CEP85L: variants seen among roughly 807,000 people sequenced by gnomAD.
CEP85L encodes centrosomal protein of 85 kDa-like.
Under a neutral mutation model 100.3 loss-of-function variants are expected in CEP85L, and 60 were observed. The observed-to-expected ratio is 0.60, with a 90% CI of 0.49 to 0.74. The LOEUF (loss-of-function observed/expected upper bound fraction) is 0.74. Among genes scored for constraint, CEP85L ranks in the 30% least tolerant of loss-of-function variants. CEP85L has a pLI of 0.00. For synonymous variants in CEP85L, 319 were observed against 322.7 expected (o/e 0.99, Z 0.12); for missense variants, 973 against 936.2 (o/e 1.04, Z -0.51).
At chr6:118,478,675 G>A (rs1332273212) in intron 10 of CEP85L, among the ~76,000 whole-genome samples, 1 of 152,132 alleles carries the variant, frequency 6.6e-6, no homozygotes, top group African/African-American at 2.4e-5. Flanking sequence ...TTGAATAAAA[G>A]ATTTGTGTTT....
intron 5 of CEP85L, chr6:118,501,480 T>G (rs1435206831): frequency 2.3e-5 from 10 of 429,812 alleles, no homozygotes; most frequent in Non-Finnish European, 4.5e-5. Context: ...AGTGCTCTTT[T>G]CGTTTTCTGT....
At chr6:118,591,841 C>A (rs1302619297) in intron 2 of CEP85L, among the ~76,000 whole-genome samples, 1 of 152,090 alleles carries the variant, frequency 6.6e-6, no homozygotes, top group Non-Finnish European at 1.5e-5. Flanking sequence ...GGTAACAGAG[C>A]TATAATGACA....
intron 3 of CEP85L, chr6:118,560,417 G>A (rs41291942): frequency 2.5e-4 from 41 of 166,986 alleles, no homozygotes; most frequent in Non-Finnish European, 4.6e-4. Context: ...AATGGAAGTG[G>A]GTCAACATAA....
At position 118,620,416 on chromosome 6, in the gene CEP85L, C is replaced by CA. The variant is rs551436757; in HGVS notation, c.232+12036dup. Among the ~76,000 whole-genome samples the CA allele has an allele frequency of 8.7e-4, 133 of 152,160 alleles. 4 individuals are homozygous for CA. The South Asian group carries it at 0.025, about 29-fold the overall frequency. On this transcript the variant is annotated intron_variant, in intron 2 of 12. Transcript: ENST00000368491. ...GCAAACATTGGAGGTTCAGAAAGGA[C>CA]AAAAAATGGAGCAGGACAATCACCT...
chr6:118,517,725 T>C (rs1278095990), intron 4 of CEP85L, among the ~76,000 whole-genome samples: 1 of 152,244 alleles, frequency 6.6e-6, no homozygotes, highest in Non-Finnish European at 1.5e-5. Flanking sequence ...TGAATACTTT[T>C]ATTTCTTTCT....
chr6:118,661,722 G>A (rs570215524), intron 1 of CEP85L, among the ~76,000 whole-genome samples: 25 of 152,098 alleles, frequency 1.6e-4, no homozygotes, highest in African/African-American at 6.0e-4. Context: ...GAGTTTAAGA[G>A]TATATTTAAT....
chr6:118,667,279 A>G (rs1051775508), intron 1 of CEP85L, among the ~76,000 whole-genome samples: 4 of 152,234 alleles, frequency 2.6e-5, no homozygotes, highest in African/African-American at 9.6e-5. Flanking sequence ...GCTTGAGGGA[A>G]CTATTCCTTA....
At chr6:118,636,189 TGTG>T (rs1390802228) in intron 1 of CEP85L, among the ~76,000 whole-genome samples, 1 of 152,178 alleles carries the variant, frequency 6.6e-6, no homozygotes, top group Non-Finnish European at 1.5e-5. Context: ...ACTCCTGAGA[TGTG>T]GTAAAAAATC....
At chr6:118,481,690 TA>T in intron 8 of CEP85L, 88 bp downstream of exon 8, 1 of 798,158 alleles carries the variant, frequency 1.3e-6, no homozygotes. Flanking sequence ...TTAAGGAGAA[TA>T]AAATAAAAAT....
At chr6:118,515,026 G>A (rs1776191452) in intron 4 of CEP85L, among the ~76,000 whole-genome samples, 1 of 151,488 alleles carries the variant, frequency 6.6e-6, no homozygotes. Flanking sequence ...GCCCAGGCTG[G>A]TCTCAAACTC....
intron 4 of CEP85L, among the ~76,000 whole-genome samples, chr6:118,523,031 T>C (rs1315518179): frequency 6.6e-6 from 1 of 152,198 alleles, no homozygotes; most frequent in Non-Finnish European, 1.5e-5. Flanking sequence ...AGGTTGAAAT[T>C]AGAATTTTAA....
intron 5 of CEP85L, chr6:118,502,018 G>C (rs1775337280): frequency 2.4e-6 from 2 of 834,496 alleles, no homozygotes; most frequent in South Asian, 1.5e-5. Flanking sequence ...GTGGGAATTT[G>C]AAAGAAGAAA....
chr6:118,470,666 G>T, intron 10 of CEP85L, 22 bp from the exon 11 acceptor site: 1 of 1,432,334 alleles, frequency 7.0e-7, no homozygotes, highest in African/African-American at 1.4e-5. Context: ...AAAAAAATTG[G>T]AAAGCAAAAC....
intron 2 of CEP85L, among the ~76,000 whole-genome samples, chr6:118,628,043 C>G (rs186660436): frequency 1.3e-5 from 2 of 152,258 alleles, no homozygotes; most frequent in East Asian, 1.9e-4. Flanking sequence ...GAGGCCAAAT[C>G]GTAGGACACT....
At chr6:118,543,682 G>T (rs1778036442) in intron 3 of CEP85L, among the ~76,000 whole-genome samples, 1 of 152,170 alleles carries the variant, frequency 6.6e-6, no homozygotes, top group Non-Finnish European at 1.5e-5. Context: ...TCGGATAGAA[G>T]AAATAACATA....
rs1020806370 is a variant in CEP85L at position 118,502,026 on chromosome 6, A to C, written c.1257+9272T>G. 4 of 837,868 alleles carry C rather than the reference A, an allele frequency of 4.8e-6. No homozygotes were observed. The African/African-American group carries it at 6.8e-5, about 14-fold the overall frequency. The allele number at this position is 837,868 out of a possible 1,614,324, so 51.9% of individuals were successfully genotyped here. ...ACAGTCAGTGGGAATTTGAAAGAAG[A>C]AAACCAGATGGAACAAGAAGACTGG... is the stretch of plus-strand genomic sequence containing the variant. On this transcript the variant is annotated intron_variant, in intron 5 of 12. Transcript: ENST00000368491.
chr6:118,565,881 G>A lies in CEP85L; in HGVS notation c.668C>T (p.Ser223Leu), dbSNP rs776511171. The change falls in exon 3 of 13, where the codon TCA becomes TTA. Residue 223 changes from serine to leucine, a missense_variant. Physicochemically the swap from Ser to Leu is moderately radical, Grantham distance 145. Coordinates refer to ENST00000368491, the MANE Select transcript of CEP85L (RefSeq NM_001042475.3). ...LEDKEINKKRSSTLDCKYKFE... is the reference protein window; with the variant it reads ...LEDKEINKKRLSTLDCKYKFE... ...TTTATACTTGCAGTCCAGAGTTGATGACCGTTTTTTATTTATTTCCTTGTC... is the reference window on the plus strand; with the variant it reads ...TTTATACTTGCAGTCCAGAGTTGATAACCGTTTTTTATTTATTTCCTTGTC... The A allele has an allele frequency of 6.2e-6, 10 of 1,613,916 alleles. No homozygotes were observed. The highest frequency in any genetic ancestry group is 4.0e-5 in the African/African-American group (3 of 74,922).
chr6:118,586,326 C>G (rs775872276), intron 2 of CEP85L, among the ~76,000 whole-genome samples: 1 of 152,104 alleles, frequency 6.6e-6, no homozygotes, highest in African/African-American at 2.4e-5. Flanking sequence ...TCTATTAGAT[C>G]GGGAAACCTC....
At chr6:118,605,893 A>C (rs902848229) in intron 2 of CEP85L, among the ~76,000 whole-genome samples, 1 of 152,080 alleles carries the variant, frequency 6.6e-6, no homozygotes, top group African/African-American at 2.4e-5. Flanking sequence ...ACACACCTGT[A>C]GTCCCAGCTA....
Sources: allele counts gnomAD v4.1 joint callset (sites outside exome capture counted in the v4.1 genomes callset), GRCh38; gene constraint gnomAD v4.1.1; transcripts MANE v1.5; gene names NCBI Gene and HGNC (gene_info 2026-07-23, HGNC 2026-07-21).